The following TSPAN18 variants were observed in gnomAD, a reference collection of about 807,000 sequenced individuals.
The protein encoded by TSPAN18 is tetraspanin-18.
In TSPAN18, 14 loss-of-function variants were observed where a neutral mutation model predicts 27.3. The observed-to-expected ratio is 0.51, with a 90% CI of 0.34 to 0.80. TSPAN18 has a LOEUF of 0.80. TSPAN18 is among the 30% of genes least tolerant of loss of function. The probability of loss-of-function intolerance (pLI) is 0.01; values close to 1 mark genes in which losing one functional copy is unlikely to be tolerated. For missense variants in TSPAN18, 268 were observed against 323.9 expected, an observed-to-expected ratio of 0.83 and a Z score of 1.32; for synonymous variants, 143 against 136.5, an observed-to-expected ratio of 1.05 and a Z score of -0.33.
chr11:44,890,920 C>T (rs1188906540), intron 3 of TSPAN18, among the ~76,000 whole-genome samples: 1 of 152,024 alleles, frequency 6.6e-6, no homozygotes, highest in African/African-American at 2.4e-5. Flanking sequence ...GTCTGTAATC[C>T]CAGCACTTTG....
At chr11:44,749,658 T>C (rs1452061880) in intron 1 of TSPAN18, among the ~76,000 whole-genome samples, 1 of 143,762 alleles carries the variant, frequency 7.0e-6, no homozygotes, top group Non-Finnish European at 1.5e-5. Flanking sequence ...TTTTTTTGAG[T>C]TGGAGTCTCA....
intron 5 of TSPAN18, among the ~76,000 whole-genome samples, chr11:44,915,328 G>A (rs917571991): frequency 6.6e-6 from 1 of 152,214 alleles, no homozygotes; most frequent in Non-Finnish European, 1.5e-5. Flanking sequence ...AGGCGAGGCT[G>A]CAGAGGCAGA....
intron 3 of TSPAN18, among the ~76,000 whole-genome samples, chr11:44,875,685 C>T (rs1858311994): frequency 6.6e-6 from 1 of 152,260 alleles, no homozygotes; most frequent in African/African-American, 2.4e-5. Context: ...CAAGTCCCAG[C>T]TCAGTCATTT....
intron 2 of TSPAN18, among the ~76,000 whole-genome samples, chr11:44,811,460 ATT>A (rs11326558): frequency 3.7e-3 from 484 of 132,530 alleles, no homozygotes; most frequent in Middle Eastern, 7.4e-3. Context: ...ACATTTTAGG[ATT>A]TTTTTTTTTT....
rs1158591338 is a variant in TSPAN18 at position 44,929,231 on chromosome 11, C to A, written c.*53C>A. On this transcript the variant is annotated 3_prime_UTR_variant, in exon 10 of 10. Coordinates refer to ENST00000520358, the MANE Select transcript of TSPAN18 (RefSeq NM_130783.5). ...GCCCCACCCACCACTGCCCAGCACC[C>A]AGTGTCCTCCCGTGCCCCTCCCCGC... is the stretch of plus-strand genomic sequence containing the variant. 2.5e-6 allele frequency: 4 copies of A among 1,608,802 alleles called. No homozygotes were observed. In the African/African-American group the frequency reaches 5.3e-5, roughly 21 times the overall value.
At chr11:44,877,348 A>G (rs982920652) in intron 3 of TSPAN18, among the ~76,000 whole-genome samples, 1 of 152,206 alleles carries the variant, frequency 6.6e-6, no homozygotes, top group Non-Finnish European at 1.5e-5. Flanking sequence ...GGGGCAGTGT[A>G]TGGCCCAGGA....
intron 7 of TSPAN18, chr11:44,919,554 T>C (rs1307746840): frequency 4.9e-6 from 3 of 608,696 alleles, no homozygotes; most frequent in Non-Finnish European, 8.8e-6. Context: ...ATGATGATGA[T>C]AATAACCACA....
chr11:44,747,393 C>T (rs1855105180), intron 1 of TSPAN18, among the ~76,000 whole-genome samples: 1 of 152,222 alleles, frequency 6.6e-6, no homozygotes, highest in African/African-American at 2.4e-5. Context: ...CTTCCCTCCT[C>T]TAAGACTCAG....
chr11:44,746,542 C>A (rs1188206251), intron 1 of TSPAN18, among the ~76,000 whole-genome samples: 1 of 152,072 alleles, frequency 6.6e-6, no homozygotes, highest in Non-Finnish European at 1.5e-5. Context: ...TTGTTTGAGG[C>A]CAGGAGTTCA....
intron 2 of TSPAN18, among the ~76,000 whole-genome samples, chr11:44,775,747 C>A (rs1427791279): frequency 1.3e-5 from 2 of 152,198 alleles, no homozygotes; most frequent in African/African-American, 4.8e-5. Context: ...CTCCAGGCTG[C>A]TAACCTATAG....
intron 2 of TSPAN18, among the ~76,000 whole-genome samples, chr11:44,847,838 C>CT (rs1259028533): frequency 0.016 from 2,326 of 144,294 alleles, 64 homozygotes; most frequent in African/African-American, 0.052. Flanking sequence ...ACTTTTGTTG[C>CT]TTTTTTTTTT....
chr11:44,924,531 C>T (rs1860273971), intron 8 of TSPAN18, among the ~76,000 whole-genome samples: 1 of 152,090 alleles, frequency 6.6e-6, no homozygotes, highest in Non-Finnish European at 1.5e-5. Context: ...GTTCACAAAC[C>T]CAGTGTGTGT....
intron 5 of TSPAN18, among the ~76,000 whole-genome samples, chr11:44,912,884 CTG>C (rs1859775547): frequency 3.4e-5 from 1 of 29,478 alleles, no homozygotes; most frequent in Non-Finnish European, 5.8e-5. Flanking sequence ...GCACATGTGC[CTG>C]TGTGTGCACA....
chr11:44,753,385 C>T (rs896121486), intron 1 of TSPAN18, among the ~76,000 whole-genome samples: 3 of 152,134 alleles, frequency 2.0e-5, no homozygotes, highest in Admixed American at 2.0e-4. Context: ...CCGCCTCAGC[C>T]TCCCAAAGTG....
chr11:44,761,596 G>T (rs1464861840), intron 1 of TSPAN18, among the ~76,000 whole-genome samples: 1 of 152,206 alleles, frequency 6.6e-6, no homozygotes, highest in Non-Finnish European at 1.5e-5. Flanking sequence ...ACAGCTTAAG[G>T]CTCTGGAGCG....
chr11:44,821,773 T>TA (rs1235516201), intron 2 of TSPAN18, among the ~76,000 whole-genome samples: 2 of 152,208 alleles, frequency 1.3e-5, no homozygotes, highest in Admixed American at 6.5e-5. Flanking sequence ...GGCTTCTGCA[T>TA]AAATTTACAG....
intron 2 of TSPAN18, among the ~76,000 whole-genome samples, chr11:44,812,876 A>G (rs1394156231): frequency 2.0e-5 from 3 of 152,362 alleles, no homozygotes; most frequent in South Asian, 2.1e-4. Context: ...ACCAGTGTAC[A>G]TACACACACA....
chr11:44,864,456 G>A (rs1279026279), intron 3 of TSPAN18, among the ~76,000 whole-genome samples: 1 of 152,134 alleles, frequency 6.6e-6, no homozygotes, highest in Non-Finnish European at 1.5e-5. Context: ...GGCACGTGGG[G>A]TCCTATTGGA....
At position 44,919,914 on chromosome 11, in the gene TSPAN18, G is replaced by T. The variant is rs771907983; in HGVS notation, c.530G>T (p.Cys177Phe). 6.2e-7 allele frequency: 1 copy of T among 1,614,104 alleles called. No homozygotes were observed. The change falls in exon 8 of 10, where the codon TGC (cysteine) becomes TTC (phenylalanine). Residue 177 changes from cysteine to phenylalanine, a missense_variant. Physicochemically the swap from Cys to Phe is radical, Grantham distance 205. Transcript: ENST00000520358. ...AGTGAAGAGGTGCCGGAGGCCTGCT[G>T]CCGGAGGGAACCCCAAAGTCGGGAC... ...LDSEEVPEACCRREPQSRDGV... is the reference protein window; with the variant it reads ...LDSEEVPEACFRREPQSRDGV...
Sources: allele counts gnomAD v4.1 joint callset (sites outside exome capture counted in the v4.1 genomes callset), GRCh38; gene constraint gnomAD v4.1.1; transcripts MANE v1.5; gene names NCBI Gene and HGNC (gene_info 2026-07-23, HGNC 2026-07-21).